Variants in ECT2 observed in about 807,000 individuals in gnomAD.
ECT2 encodes protein ECT2.
ECT2 carries 61 observed loss-of-function variants against 116.9 expected under a neutral mutation model. The ratio of observed to expected loss-of-function variants is 0.52; its 90% confidence interval spans 0.42 to 0.65. The LOEUF (loss-of-function observed/expected upper bound fraction) is 0.65, where lower values mean the gene tolerates loss of function less well. Among genes scored for constraint, ECT2 ranks in the 30% least tolerant of loss-of-function variants. The probability of loss-of-function intolerance (pLI) is 0.00; values close to 1 mark genes in which losing one functional copy is unlikely to be tolerated. For missense variants in ECT2, 937 were observed against 1,078.7 expected (o/e 0.87, Z 1.84); for synonymous variants, 358 against 346.4 (o/e 1.03, Z -0.37).
chr3:172,807,659 G>A (rs1370878824), intron 21 of ECT2, 111 bp from the exon 22 acceptor site: 15 of 1,223,996 alleles, frequency 1.2e-5, no homozygotes, highest in Non-Finnish European at 1.7e-5. Context: ...AAGTGGAGAA[G>A]TGATAGTTCA....
chr3:172,804,430 A>C (rs959443482), intron 20 of ECT2, among the ~76,000 whole-genome samples: 1 of 152,198 alleles, frequency 6.6e-6, no homozygotes, highest in African/African-American at 2.4e-5. Context: ...AAGTCAAAAA[A>C]TCATGAGACA....
At chr3:172,785,418 T>C (rs1420148897) in intron 17 of ECT2, among the ~76,000 whole-genome samples, 1 of 151,750 alleles carries the variant, frequency 6.6e-6, no homozygotes, top group Admixed American at 6.6e-5. Flanking sequence ...GAAAACAAAA[T>C]TATAGCCGGT....
At chr3:172,755,183 A>G (rs1716706163) in intron 2 of ECT2, 112 bp from the exon 3 acceptor site, 1 of 689,624 alleles carries the variant, frequency 1.5e-6, no homozygotes, top group Non-Finnish European at 2.2e-6. Context: ...AGAGAAAGTT[A>G]TGATTCCCTC....
At chr3:172,780,669 C>T (rs1458331512) in intron 14 of ECT2, among the ~76,000 whole-genome samples, 1 of 152,162 alleles carries the variant, frequency 6.6e-6, no homozygotes, top group Non-Finnish European at 1.5e-5. Flanking sequence ...TTGTTATTTT[C>T]ACCAGTAATG....
Position 172,769,252 on chromosome 3 carries a change from C to T in ECT2, c.1428+109C>T, listed in dbSNP as rs1035839154. ...AAATTATATAAACATAGTATTTGAACATGGATGTTAAAAATGGAATTGTGT... is the reference window on the plus strand; with the variant it reads ...AAATTATATAAACATAGTATTTGAATATGGATGTTAAAAATGGAATTGTGT... On this transcript the variant is annotated intron_variant, in intron 13 of 24. Coordinates refer to ENST00000392692, the MANE Select transcript of ECT2 (RefSeq NM_001258315.2). 3 of 1,086,096 alleles carry T rather than the reference C, an allele frequency of 2.8e-6. No homozygotes were observed. In the African/African-American group the frequency reaches 4.8e-5, roughly 17 times the overall value. 67.3% of individuals were successfully genotyped at this position (1,086,096 alleles called of 1,614,324 possible). A position where few individuals can be genotyped will look rare whatever the true frequency, so the allele number is the denominator to read the frequency against.
At chr3:172,817,654 C>G (rs888956304) in intron 24 of ECT2, among the ~76,000 whole-genome samples, 8 of 151,918 alleles carry the variant, frequency 5.3e-5, no homozygotes, top group African/African-American at 1.9e-4. Flanking sequence ...TCCAAATTTC[C>G]AACAGTTTCA....
Position 172,815,641 on chromosome 3 carries a change from A to C in ECT2, c.2438A>C (p.Glu813Ala). The change falls in exon 23 of 25, where the codon GAA becomes GCA. Residue 813 changes from glutamate to alanine, a missense_variant. Transcript: ENST00000392692. The stretch of plus-strand genomic sequence containing the variant: ...TATACTGCTGATCCAGAATCCTTTG[A>C]AGTAAATACAAAAGATATGGACAGT... ...LIYTADPESF[E>A]VNTKDMDSTL... The C allele has an allele frequency of 1.2e-6, 2 of 1,601,434 alleles. No homozygotes were observed. The highest frequency in any genetic ancestry group is 1.7e-6 in the Non-Finnish European group (2 of 1,174,624).
chr3:172,808,547 C>A (rs1004420616), intron 22 of ECT2, among the ~76,000 whole-genome samples: 1 of 152,102 alleles, frequency 6.6e-6, no homozygotes, highest in Non-Finnish European at 1.5e-5. Flanking sequence ...AGTTAAATGA[C>A]TTGCCTGAAA....
chr3:172,784,018 A>C (rs1723175624), intron 16 of ECT2, 109 bp downstream of exon 16: 1 of 720,802 alleles, frequency 1.4e-6, no homozygotes, highest in African/African-American at 1.8e-5. Flanking sequence ...TGTATCCATT[A>C]ATATCTGTTA....
At chr3:172,797,496 T>A (rs1725937789) in intron 18 of ECT2, among the ~76,000 whole-genome samples, 1 of 152,224 alleles carries the variant, frequency 6.6e-6, no homozygotes, top group Non-Finnish European at 1.5e-5. Context: ...AACTCTGCTG[T>A]TATATCCTGA....
intron 18 of ECT2, among the ~76,000 whole-genome samples, chr3:172,789,293 C>T (rs1049225907): frequency 4.0e-5 from 6 of 150,292 alleles, no homozygotes; most frequent in Non-Finnish European, 8.9e-5. Flanking sequence ...AGTCTCAACT[C>T]ACTGAAGCCT....
the ECT2 span, chr3:172,828,851 A>G: frequency 1.9e-6 from 2 of 1,032,078 alleles, no homozygotes; most frequent in Non-Finnish European, 2.9e-6. Flanking sequence ...TGAGTGCCTG[A>G]GAGACGAGTG....
At chr3:172,819,901 C>T (rs1730452484) in intron 24 of ECT2, among the ~76,000 whole-genome samples, 1 of 152,042 alleles carries the variant, frequency 6.6e-6, no homozygotes, top group African/African-American at 2.4e-5. Flanking sequence ...AATATCTGTT[C>T]AGTTGAGTTA....
At chr3:172,782,502 T>C (rs1171366026) in intron 15 of ECT2, among the ~76,000 whole-genome samples, 2 of 152,222 alleles carry the variant, frequency 1.3e-5, no homozygotes, top group Admixed American at 6.5e-5. Flanking sequence ...TTGCCTTTCA[T>C]AAATGGCCAC....
chr3:172,788,958 T>G (rs1724106788), intron 18 of ECT2, among the ~76,000 whole-genome samples: 2 of 149,642 alleles, frequency 1.3e-5, no homozygotes, highest in South Asian at 4.2e-4. Flanking sequence ...CTTGGGAGGC[T>G]GAGGCATGAG....
intron 2 of ECT2, 28 bp from the exon 3 acceptor site, chr3:172,755,267 A>AC: frequency 6.5e-7 from 1 of 1,536,432 alleles, no homozygotes; most frequent in South Asian, 1.2e-5. Context: ...ATACATGATA[A>AC]ACATTGAAAC....
the ECT2 span, among the ~76,000 whole-genome samples, chr3:172,827,561 G>A: frequency 1.5e-4 from 23 of 152,154 alleles, no homozygotes; most frequent in South Asian, 6.2e-4. Context: ...CTCATATGTG[G>A]GAGCTGAAAA....
At chr3:172,828,806 A>C in the ECT2 span, 1 of 727,334 alleles carries the variant, frequency 1.4e-6, no homozygotes, top group Non-Finnish European at 2.4e-6. Context: ...GCCAACGCCC[A>C]GAATGGCATA....
intron 14 of ECT2, among the ~76,000 whole-genome samples, chr3:172,774,509 G>A (rs753313156): frequency 2.0e-5 from 3 of 150,134 alleles, no homozygotes; most frequent in Non-Finnish European, 3.0e-5. Flanking sequence ...TTTTTTTTTC[G>A]AGATGGAGAA....
Sources: gnomAD v4.1 joint callset for allele counts (sites outside exome capture counted in the v4.1 genomes callset) on GRCh38, gnomAD v4.1.1 for gene constraint, MANE v1.5 for transcripts, NCBI Gene and HGNC (gene_info 2026-07-23, HGNC 2026-07-21) for gene names.